Variants in MACROD2 observed in about 807,000 individuals in gnomAD.
MACROD2 encodes mono-ADP ribosylhydrolase 2.
In MACROD2, 36 loss-of-function variants were observed where a neutral mutation model predicts 70.4. The observed-to-expected ratio is 0.51, with a 90% confidence interval of 0.39 to 0.68. MACROD2 has a LOEUF of 0.68. Ranked by LOEUF, MACROD2 falls within the 30% of genes least tolerant of loss-of-function variation. The pLI, the probability that MACROD2 is intolerant of heterozygous loss-of-function variation, is 0.00. For synonymous variants in MACROD2, 172 were observed against 178.8 expected (o/e 0.96, Z 0.30); for missense variants, 496 against 538.4 (o/e 0.92, Z 0.78).
chr20:15,577,128 A>G (rs2048459113), intron 8 of MACROD2, among the ~76,000 whole-genome samples: 1 of 152,198 alleles, frequency 6.6e-6, no homozygotes, highest in African/African-American at 2.4e-5. Context: ...GCATGAAAAT[A>G]CAATCAAGCA....
At chr20:14,626,435 T>A (rs765688320) in intron 4 of MACROD2, among the ~76,000 whole-genome samples, 1 of 152,132 alleles carries the variant, frequency 6.6e-6, no homozygotes, top group Non-Finnish European at 1.5e-5. Context: ...CTACAATCAA[T>A]AGGTCCAGGA....
intron 5 of MACROD2, among the ~76,000 whole-genome samples, chr20:15,191,945 G>A (rs947572775): frequency 2.3e-4 from 30 of 132,190 alleles, no homozygotes; most frequent in Non-Finnish European, 3.9e-4. Flanking sequence ...GAGAGAGAGA[G>A]TTAATACATA....
At chr20:14,746,114 G>A (rs1186122864) in intron 5 of MACROD2, among the ~76,000 whole-genome samples, 1 of 152,058 alleles carries the variant, frequency 6.6e-6, no homozygotes. Flanking sequence ...AAAGTTAACT[G>A]ACTCCTTTGG....
intron 5 of MACROD2, among the ~76,000 whole-genome samples, chr20:14,993,094 G>T (rs1032949703): frequency 1.3e-5 from 2 of 151,948 alleles, no homozygotes; most frequent in Non-Finnish European, 2.9e-5. Flanking sequence ...GCCAGAAACC[G>T]CCTGTTTCTT....
At chr20:15,087,787 T>G (rs1192620761) in intron 5 of MACROD2, among the ~76,000 whole-genome samples, 1 of 151,936 alleles carries the variant, frequency 6.6e-6, no homozygotes, top group East Asian at 1.9e-4. Context: ...TGTTACCAAT[T>G]TGAAAGAATT....
chr20:15,791,952 G>GA (rs747017525), intron 8 of MACROD2, among the ~76,000 whole-genome samples: 3 of 150,022 alleles, frequency 2.0e-5, no homozygotes, highest in Non-Finnish European at 3.0e-5. Flanking sequence ...AAATAAAAGT[G>GA]AAAAATGCTT....
intron 8 of MACROD2, among the ~76,000 whole-genome samples, chr20:15,550,843 A>G (rs1302576136): frequency 6.6e-6 from 1 of 152,206 alleles, no homozygotes; most frequent in Non-Finnish European, 1.5e-5. Flanking sequence ...CATTGTAAGG[A>G]TGAGAAAACA....
chr20:14,819,550 G>A (rs766318018), intron 5 of MACROD2, among the ~76,000 whole-genome samples: 2 of 151,974 alleles, frequency 1.3e-5, no homozygotes, highest in Non-Finnish European at 1.5e-5. Flanking sequence ...CTTACCATCC[G>A]GTAGGGAGGT....
chr20:14,202,627 A>G (rs905410775), intron 3 of MACROD2, among the ~76,000 whole-genome samples: 3 of 152,218 alleles, frequency 2.0e-5, no homozygotes, highest in African/African-American at 7.2e-5. Flanking sequence ...ATCAGAAGTA[A>G]ACAAGAATAT....
At chr20:15,641,288 T>G (rs1488818825) in intron 8 of MACROD2, among the ~76,000 whole-genome samples, 1 of 152,202 alleles carries the variant, frequency 6.6e-6, no homozygotes, top group Non-Finnish European at 1.5e-5. Flanking sequence ...TCTAAGCACT[T>G]TGGGCCTTTG....
chr20:15,552,942 TAAAC>T (rs1429453868), intron 8 of MACROD2: 1 of 152,188 alleles, frequency 6.6e-6, no homozygotes, highest in African/African-American at 2.4e-5. Context: ...TCATCCCAAA[TAAAC>T]TAACTGAATC....
intron 8 of MACROD2, chr20:15,552,240 T>C (rs963602277): frequency 2.0e-5 from 3 of 152,198 alleles, no homozygotes; most frequent in African/African-American, 7.2e-5. Context: ...ATTGACAGCT[T>C]GTAAACGTGC....
chr20:16,011,958 CTGCTTAGGGTCACT>C (rs60771468), intron 15 of MACROD2, among the ~76,000 whole-genome samples: 4,334 of 152,316 alleles, frequency 0.028, 177 homozygotes, highest in East Asian at 0.2. Context: ...CACGATGGTC[CTGCTTAGGGTCACT>C]TGCTCCCCAC....
At chr20:15,411,172 A>ACACACACACG (rs2046074169) in intron 6 of MACROD2, among the ~76,000 whole-genome samples, 1 of 149,924 alleles carries the variant, frequency 6.7e-6, no homozygotes, top group Admixed American at 6.6e-5. Context: ...ACACACACAC[A>ACACACACACG]CACACACAAA....
chr20:14,500,073 G>C (rs762020358), intron 4 of MACROD2, among the ~76,000 whole-genome samples: 1 of 152,308 alleles, frequency 6.6e-6, no homozygotes, highest in East Asian at 1.9e-4. Context: ...ATGATGAGTA[G>C]TAGTTTTCAG....
At chr20:14,479,743 A>G (rs1243193072) in intron 3 of MACROD2, among the ~76,000 whole-genome samples, 7 of 152,206 alleles carry the variant, frequency 4.6e-5, no homozygotes, top group Non-Finnish European at 1.0e-4. Flanking sequence ...GAATTTTGCA[A>G]AATAGAATAT....
At chr20:14,980,650 G>A (rs1046405607) in intron 5 of MACROD2, among the ~76,000 whole-genome samples, 9 of 152,260 alleles carry the variant, frequency 5.9e-5, no homozygotes, top group African/African-American at 1.9e-4. Flanking sequence ...AGCTCTCATG[G>A]TGTTTTGCTC....
At chr20:15,394,272 A>AAC (rs2045832126) in intron 6 of MACROD2, among the ~76,000 whole-genome samples, 1 of 152,250 alleles carries the variant, frequency 6.6e-6, no homozygotes, top group Non-Finnish European at 1.5e-5. Flanking sequence ...TTAGAACAAG[A>AAC]AAGGAAAACA....
At chr20:15,217,800 A>G (rs181201383) in intron 5 of MACROD2, among the ~76,000 whole-genome samples, 1 of 152,132 alleles carries the variant, frequency 6.6e-6, no homozygotes, top group African/African-American at 2.4e-5. Context: ...CCTGATACTC[A>G]TCAAAGCCTG....
Sources: gnomAD v4.1 joint callset for allele counts (sites outside exome capture counted in the v4.1 genomes callset) on GRCh38, gnomAD v4.1.1 for gene constraint, MANE v1.5 for transcripts, NCBI Gene and HGNC (gene_info 2026-07-23, HGNC 2026-07-21) for gene names.